Variants in SNX9 observed in about 807,000 individuals in gnomAD.
SNX9 encodes sorting nexin-9.
SNX9 carries 44 observed loss-of-function variants against 89.4 expected under a neutral mutation model. The observed-to-expected ratio is 0.49, with a 90% CI of 0.39 to 0.63. SNX9 has a LOEUF of 0.63. Ranked by LOEUF, SNX9 falls within the 30% of genes least tolerant of loss-of-function variation. SNX9 has a pLI of 0.00. For missense variants in SNX9, 578 were observed against 736.1 expected, an observed-to-expected ratio of 0.79 and a Z score of 2.49; for synonymous variants, 236 against 247.8, an observed-to-expected ratio of 0.95 and a Z score of 0.45.
chr6:157,914,222 G>A (rs1783410620), intron 9 of SNX9, among the ~76,000 whole-genome samples: 1 of 152,092 alleles, frequency 6.6e-6, no homozygotes, highest in African/African-American at 2.4e-5. Flanking sequence ...GCATGGTTTT[G>A]ATTTGCATTT....
chr6:157,921,917 A>G (rs1345633093), intron 10 of SNX9, among the ~76,000 whole-genome samples: 1 of 152,152 alleles, frequency 6.6e-6, no homozygotes, highest in African/African-American at 2.4e-5. Flanking sequence ...GAGGGATGTA[A>G]TAGGGTCAGC....
At chr6:157,836,948 T>TA (rs1404272060) in intron 1 of SNX9, among the ~76,000 whole-genome samples, 1 of 152,184 alleles carries the variant, frequency 6.6e-6, no homozygotes, top group Admixed American at 6.5e-5. Flanking sequence ...TCTAGGGACC[T>TA]AACTTCCAGA....
rs141391214 is a variant in SNX9 at position 157,885,656 on chromosome 6, G to A, written c.300+10480G>A. ...TGATAGGCCAGATGACATCATCACA[G>A]GTGGTGTGGAAGGATGTGACAGGCA... On this transcript the variant is annotated intron_variant, in intron 4 of 17. Transcript: ENST00000392185. Among the ~76,000 whole-genome samples, 59 of 152,346 alleles carry A rather than the reference G, an allele frequency of 3.9e-4. 1 individual carries two copies. In the East Asian group the frequency reaches 9.1e-3, roughly 23 times the overall value.
Position 157,915,421 on chromosome 6 carries a change from G to A in SNX9, c.949+5396G>A, listed in dbSNP as rs188861118. 9.2e-5 allele frequency among the ~76,000 whole-genome samples: 14 copies of A among 151,416 alleles called. No homozygotes were observed. The East Asian group carries it at 1.4e-3, about 15-fold the overall frequency. On this transcript the variant is annotated intron_variant, in intron 9 of 17. Transcript: ENST00000392185. ...TTTAATCCATATATAAAAATATATC[G>A]TATTTGATTTTCATTAGGGTTTTGT...
At chr6:157,901,740 C>T (rs1220001560) in intron 5 of SNX9, among the ~76,000 whole-genome samples, 158 bp from the exon 6 acceptor site, 1 of 151,758 alleles carries the variant, frequency 6.6e-6, no homozygotes, top group East Asian at 1.9e-4. Flanking sequence ...AGCCTTTACT[C>T]TTAACATCCA....
At chr6:157,871,810 C>T (rs1420522695) in intron 2 of SNX9, among the ~76,000 whole-genome samples, 4 of 146,464 alleles carry the variant, frequency 2.7e-5, no homozygotes, top group African/African-American at 1.0e-4. Context: ...AGGCTCTCAC[C>T]CTGTCACCCA....
intron 1 of SNX9, among the ~76,000 whole-genome samples, chr6:157,837,904 A>G (rs1305642949): frequency 2.6e-5 from 4 of 152,256 alleles, no homozygotes; most frequent in Non-Finnish European, 5.9e-5. Flanking sequence ...TGTACCATTA[A>G]TTATGGAAGG....
chr6:157,909,917 C>T lies in SNX9; in HGVS notation c.841C>T (p.Arg281Ter). 1.9e-6 allele frequency: 3 copies of T among 1,613,972 alleles called. No individual in the cohort carries two copies. Among genetic ancestry groups the T allele is most frequent in the Non-Finnish European group, 2.5e-6 (3 of 1,179,914 alleles). The change falls in exon 9 of 18, where the codon CGA (arginine) becomes TGA (stop). Residue 281 changes from arginine (R) to a stop codon, truncating the protein, a stop_gained. Transcript: ENST00000392185. LOFTEE classifies it high-confidence loss of function. Reference protein sequence around the residue: ...EYQLTPTNTNRSVNHRYKHFD... With the variant: ...EYQLTPTNTN ...TTCCCTTATTTTGTAGAACACTAAT[C>T]GATCTGTAAACCACAGGTATAAGCA... is the stretch of plus-strand genomic sequence containing the variant.
Position 157,897,004 on chromosome 6 carries a change from G to A in SNX9, c.472+6G>A. 1 of 1,582,118 alleles carries A rather than the reference G, an allele frequency of 6.3e-7. No homozygotes were observed. Among genetic ancestry groups the A allele is most frequent in the South Asian group, 1.2e-5 (1 of 86,472 alleles). ...CCAGGCCTACCAAGGACCAGGTGAG[G>A]AGAGGGGTGCAAGGTCCCACCCTGC... On this transcript the variant is annotated splice_donor_region_variant and intron_variant, in intron 5 of 17. Coordinates refer to ENST00000392185, the MANE Select transcript of SNX9 (RefSeq NM_016224.5).
rs563903614 is a variant in SNX9, at chr6:157,877,760, C to T, written c.300+2584C>T. Among the ~76,000 whole-genome samples, 10 of 152,206 alleles carry T rather than the reference C, an allele frequency of 6.6e-5. No homozygotes were observed. The South Asian group carries it at 1.0e-3, about 16-fold the overall frequency. On this transcript the variant is annotated intron_variant, in intron 4 of 17. Coordinates refer to ENST00000392185, the MANE Select transcript of SNX9 (RefSeq NM_016224.5). ...TCAGGCCCATGGGCACATCCCCTCTCAGGCATGCATCTCTTCAGCTTGGCA... is the reference window on the plus strand; with the variant it reads ...TCAGGCCCATGGGCACATCCCCTCTTAGGCATGCATCTCTTCAGCTTGGCA...
Position 157,927,122 on chromosome 6 carries a change from T to G in SNX9, c.1092T>G (p.Thr364=). ...ATTCTCATTTACAGGAATGGAAAAC[T>G]GGAAAGAGGAAGGCCGAGAGAGATG... ...LNFRDEKEWK[T]GKRKAERDEL... The change falls in exon 11 of 18, where the codon ACT becomes ACG. Residue 364 remains threonine (T), a synonymous_variant. Transcript: ENST00000392185. 1 of 1,613,904 alleles carries G rather than the reference T, an allele frequency of 6.2e-7. No individual in the cohort carries two copies. Among genetic ancestry groups the G allele is most frequent in the Middle Eastern group, 1.7e-4 (1 of 6,060 alleles).
intron 10 of SNX9, among the ~76,000 whole-genome samples, chr6:157,923,534 T>G (rs1443333503): frequency 6.6e-6 from 1 of 152,112 alleles, no homozygotes; most frequent in African/African-American, 2.4e-5. Context: ...TATGAAACAT[T>G]ATTGAGAAAA....
chr6:157,877,282 G>C (rs954748392), intron 4 of SNX9, among the ~76,000 whole-genome samples: 6 of 104,462 alleles, frequency 5.7e-5, no homozygotes, highest in East Asian at 2.0e-4. Context: ...AAAAAAAAGC[G>C]GGGGGGGCAT....
intron 6 of SNX9, 134 bp downstream of exon 6, chr6:157,902,179 AT>A (rs1445162978): frequency 1.3e-4 from 90 of 691,994 alleles, no homozygotes; most frequent in Admixed American, 1.7e-4. Context: ...TGATTCAGTT[AT>A]TTTTATTTGG....
intron 4 of SNX9, among the ~76,000 whole-genome samples, chr6:157,894,106 CTTTT>C (rs746909411): frequency 3.3e-5 from 3 of 89,566 alleles, no homozygotes; most frequent in African/African-American, 4.6e-5. Context: ...CTTTTCTTTT[CTTTT>C]TTTTTTTTTT....
chr6:157,903,224 C>T (rs1456822843), intron 6 of SNX9, among the ~76,000 whole-genome samples: 2 of 152,118 alleles, frequency 1.3e-5, no homozygotes, highest in Non-Finnish European at 2.9e-5. Flanking sequence ...TGATTCAAGG[C>T]AGATATCAAA....
At chr6:157,825,209 C>G (rs1215965689) in intron 1 of SNX9, among the ~76,000 whole-genome samples, 2 of 152,164 alleles carry the variant, frequency 1.3e-5, no homozygotes, top group Non-Finnish European at 2.9e-5. Flanking sequence ...GATCGCGCCA[C>G]TGCACTCCAG....
chr6:157,835,831 C>CGGG (rs1781571662), intron 1 of SNX9, among the ~76,000 whole-genome samples: 1 of 152,174 alleles, frequency 6.6e-6, no homozygotes. Context: ...AAACCTCTTT[C>CGGG]CTGTATAAAT....
intron 6 of SNX9, 76 bp from the exon 7 acceptor site, chr6:157,906,052 A>G: frequency 8.0e-7 from 1 of 1,246,356 alleles, no homozygotes; most frequent in Non-Finnish European, 1.1e-6. Flanking sequence ...AAAACTGGTA[A>G]GTAAATGTAG....
Sources: gnomAD v4.1 joint callset for allele counts (sites outside exome capture counted in the v4.1 genomes callset) on GRCh38, gnomAD v4.1.1 for gene constraint, MANE v1.5 for transcripts, NCBI Gene and HGNC (gene_info 2026-07-23, HGNC 2026-07-21) for gene names.